HERC2: variants seen among roughly 807,000 people sequenced by gnomAD.
The protein encoded by HERC2 is E3 ubiquitin-protein ligase HERC2.
Under a neutral mutation model 537.7 loss-of-function variants are expected in HERC2, and 102 were observed. The observed-to-expected ratio is 0.19, with a 90% CI of 0.16 to 0.22. HERC2 has a LOEUF of 0.22. Among genes scored for constraint, HERC2 ranks in the 10% least tolerant of loss-of-function variants. HERC2 has a pLI of 1.00. For missense variants in HERC2, 4,236 were observed against 6,198.2 expected, an observed-to-expected ratio of 0.68 and a Z score of 10.63; for synonymous variants, 2,224 against 2,466.2, an observed-to-expected ratio of 0.90 and a Z score of 2.91.
intron 20 of HERC2, among the ~76,000 whole-genome samples, chr15:28,253,723 A>G (rs1426180204): frequency 1.3e-5 from 2 of 152,228 alleles, no homozygotes; most frequent in Admixed American, 1.3e-4. Context: ...ACACTTTCAG[A>G]GGCCAAGGCG....
At position 28,322,133 on chromosome 15, in the gene HERC2, G is replaced by A. The variant is rs1225543796; in HGVS notation, c.-90C>T. ...GGCGCGCGGACGCAGCCTCCCAAGA[G>A]CCGCTGGCTCAGCCGGCGCCCGCGA... is the stretch of plus-strand genomic sequence containing the variant. On this transcript the variant is annotated 5_prime_UTR_variant, in exon 1 of 93. Coordinates refer to ENST00000261609, the MANE Select transcript of HERC2 (RefSeq NM_004667.6). The A allele has an allele frequency of 8.6e-5, 6 of 69,984 alleles. No individual in the cohort carries two copies. Among genetic ancestry groups the A allele is most frequent in the Admixed American group, 1.3e-4 (1 of 7,570 alleles). 4.3% of individuals were successfully genotyped at this position (69,984 alleles called of 1,614,324 possible).
rs1356828119 is a variant in HERC2, at chr15:28,198,459, T to C, written c.7930A>G (p.Lys2644Glu). 6.2e-7 allele frequency: 1 copy of C among 1,613,912 alleles called. No homozygotes were observed. The highest frequency in any genetic ancestry group is 8.5e-7 in the Non-Finnish European group (1 of 1,179,994). The change falls in exon 50 of 93, where the codon AAA becomes GAA. Residue 2644 changes from lysine (K) to glutamate (E), a missense_variant. Physicochemically the swap from Lys to Glu is moderately conservative, Grantham distance 56. Transcript: ENST00000261609. ...GTGACAGAGGCTTTGACCCGCACTT[T>C]ATCACCAATCTTGATGTGAGAAGAA... ...SSSSHIKIGD[K>E]VRVKASVTTP...
chr15:28,190,014 T>TC (rs1444940740), intron 55 of HERC2, among the ~76,000 whole-genome samples: 48 of 149,306 alleles, frequency 3.2e-4, no homozygotes, highest in South Asian at 2.7e-3. Flanking sequence ...TTTCTTTCTT[T>TC]TTTTTTTTTT....
At chr15:28,306,534 T>G (rs2076794283) in intron 2 of HERC2, among the ~76,000 whole-genome samples, 1 of 152,238 alleles carries the variant, frequency 6.6e-6, no homozygotes, top group Non-Finnish European at 1.5e-5. Context: ...GTTTTGTTTT[T>G]TTGATTATGT....
chr15:28,227,189 C>T (rs1218987562), intron 35 of HERC2, among the ~76,000 whole-genome samples: 3 of 151,998 alleles, frequency 2.0e-5, no homozygotes, highest in African/African-American at 7.2e-5. Context: ...GCATGAGAAG[C>T]GCTTGAACCC....
At chr15:28,272,155 G>C in intron 9 of HERC2, 60 bp downstream of exon 9, 2 of 1,448,310 alleles carry the variant, frequency 1.4e-6, no homozygotes, top group Non-Finnish European at 1.9e-6. Context: ...TGCTAGTCTT[G>C]CTTTAAAAGT....
At chr15:28,309,615 G>A (rs1273795467) in intron 2 of HERC2, among the ~76,000 whole-genome samples, 20 of 152,150 alleles carry the variant, frequency 1.3e-4, no homozygotes, top group African/African-American at 4.6e-4. Flanking sequence ...AGAGCCCAGG[G>A]TTTCAGTCCC....
At chr15:28,138,646 A>G (rs1366896531) in intron 78 of HERC2, among the ~76,000 whole-genome samples, 2 of 152,244 alleles carry the variant, frequency 1.3e-5, no homozygotes, top group African/African-American at 2.4e-5. Flanking sequence ...GTCGCCCAAG[A>G]GCTCTGATGA....
At chr15:28,319,584 CAAAAAA>C (rs1168038967) in intron 2 of HERC2, among the ~76,000 whole-genome samples, 4 of 58,268 alleles carry the variant, frequency 6.9e-5, no homozygotes, top group Non-Finnish European at 1.2e-4. Flanking sequence ...GACTGCGTCT[CAAAAAA>C]AAAAAAAAAA....
chr15:28,172,501 G>A (rs1213747761), intron 65 of HERC2, among the ~76,000 whole-genome samples: 2 of 152,086 alleles, frequency 1.3e-5, no homozygotes, highest in Non-Finnish European at 2.9e-5. Context: ...TTCTCACAAA[G>A]GCAAAAGGCA....
chr15:28,309,225 G>A (rs535692625), intron 2 of HERC2, among the ~76,000 whole-genome samples: 1 of 152,300 alleles, frequency 6.6e-6, no homozygotes, highest in African/African-American at 2.4e-5. Flanking sequence ...AATTTTGTCT[G>A]GATGATCTGA....
intron 74 of HERC2, 74 bp from the exon 75 acceptor site, chr15:28,143,026 C>A: frequency 9.3e-6 from 13 of 1,401,574 alleles, no homozygotes; most frequent in East Asian, 2.4e-5. Context: ...TTTCTACCGT[C>A]AAATGTTTTA....
intron 70 of HERC2, among the ~76,000 whole-genome samples, chr15:28,152,225 G>A (rs1229806802): frequency 2.0e-5 from 3 of 152,220 alleles, no homozygotes; most frequent in Admixed American, 6.5e-5. Context: ...AGTGAAGCCC[G>A]CCAGATCAAA....
Position 28,135,531 on chromosome 15 carries a change from T to A in HERC2, c.12177A>T (p.Glu4059Asp). 1 of 1,614,188 alleles carries A rather than the reference T, an allele frequency of 6.2e-7. No individual in the cohort carries two copies. Among genetic ancestry groups the A allele is most frequent in the East Asian group, 2.2e-5 (1 of 44,884 alleles). ...CTTCTGCCTCACCCCAAGAGTAAAC[T>A]TCTCCTTCTGAAGACAGGGCAAGGC... ...KHCLALSSEGEVYSWGEAEDG... is the reference protein window; with the variant it reads ...KHCLALSSEGDVYSWGEAEDG... Residue 4059 changes from glutamate (E) to aspartate (D), a missense_variant, in exon 79 of 93, where the codon GAA becomes GAT. Glu to Asp is a conservative substitution (Grantham distance 45). Transcript: ENST00000261609.
intron 16 of HERC2, 70 bp downstream of exon 16, chr15:28,260,707 T>C (rs1042556556): frequency 3.9e-6 from 5 of 1,286,394 alleles, no homozygotes; most frequent in Middle Eastern, 1.9e-4. Context: ...TGGTATTTTC[T>C]ACATACTGGT....
At chr15:28,302,883 G>A (rs898614195) in intron 2 of HERC2, among the ~76,000 whole-genome samples, 7 of 152,138 alleles carry the variant, frequency 4.6e-5, no homozygotes, top group African/African-American at 1.4e-4. Flanking sequence ...AGGTGCTTAA[G>A]CTAATTATAT....
chr15:28,132,047 G>A, intron 81 of HERC2, 53 bp downstream of exon 81: 1 of 1,115,550 alleles, frequency 9.0e-7, no homozygotes, highest in Non-Finnish European at 1.2e-6. Flanking sequence ...GGCCCTGGGG[G>A]CCCGACTGCG....
rs181886834 is a variant in HERC2 at position 28,236,225 on chromosome 15, C to T, written c.4003+738G>A. Among the ~76,000 whole-genome samples, 74 of 152,306 alleles carry T rather than the reference C, an allele frequency of 4.9e-4. No homozygotes were observed. The East Asian group carries it at 0.01, about 21-fold the overall frequency. On this transcript the variant is annotated intron_variant, in intron 26 of 92. Coordinates refer to ENST00000261609, the MANE Select transcript of HERC2 (RefSeq NM_004667.6). ...GAGGGCAAATGACAACCACTCACAG[C>T]TGTTTCTACCTGATTGAGTCTCACT... is the stretch of plus-strand genomic sequence containing the variant.
chr15:28,295,970 A>C (rs933703029), intron 3 of HERC2, among the ~76,000 whole-genome samples: 2 of 151,874 alleles, frequency 1.3e-5, no homozygotes, highest in African/African-American at 4.8e-5. Flanking sequence ...CCCACCCTAC[A>C]TCTGGCTATA....
Sources: gnomAD v4.1 joint callset for allele counts (sites outside exome capture counted in the v4.1 genomes callset) on GRCh38, gnomAD v4.1.1 for gene constraint, MANE v1.5 for transcripts, NCBI Gene and HGNC (gene_info 2026-07-23, HGNC 2026-07-21) for gene names.